The following CCDC102B variants were observed in gnomAD, a reference collection of about 807,000 sequenced individuals.
CCDC102B encodes coiled-coil domain containing 102B.
In CCDC102B, 75 loss-of-function variants were observed where a neutral mutation model predicts 57.4. The ratio of observed to expected loss-of-function variants is 1.31; its 90% confidence interval spans 1.08 to 1.58. CCDC102B has a LOEUF of 1.58. CCDC102B is among the 40% of genes most tolerant of loss of function. The pLI is 0.00. For missense variants in CCDC102B, 636 were observed against 582.6 expected (o/e 1.09, Z -0.94); for synonymous variants, 206 against 201.9 (o/e 1.02, Z -0.17).
rs989365059 is a variant in CCDC102B, at chr18:68,942,026, G to C, written c.1263+44598G>C. Among the ~76,000 whole-genome samples, 4 of 152,040 alleles carry C rather than the reference G, an allele frequency of 2.6e-5. No homozygotes were observed. The East Asian group carries it at 5.8e-4, about 22-fold the overall frequency. On this transcript the variant is annotated intron_variant, in intron 6 of 7. Coordinates refer to ENST00000360242, the MANE Select transcript of CCDC102B (RefSeq NM_024781.3). Reference sequence around the variant, plus strand: ...GTGCTCGTCAACTCGTACTGAAAAAGCTCATTTAGTATTTGTTAAAATAAC... The same window carrying C: ...GTGCTCGTCAACTCGTACTGAAAAACCTCATTTAGTATTTGTTAAAATAAC...
rs962133048 is a variant in CCDC102B at position 69,031,731 on chromosome 18, C to T, written c.1434+20627C>T. 3.3e-5 allele frequency among the ~76,000 whole-genome samples: 5 copies of T among 152,038 alleles called. No individual in the cohort carries two copies. The East Asian group carries it at 9.6e-4, about 29-fold the overall frequency. ...CTCCCCTTTGTGGAAGAAGATTTCT[C>T]TAGCTCACTAGTAGATTATCACCTG... On this transcript the variant is annotated intron_variant, in intron 7 of 7. Transcript: ENST00000360242.
In CCDC102B at chr18:68,846,232, T is replaced by C. The variant is rs2037849789; in HGVS notation, c.828-81T>C. ...TTACAAATATCAAAAATTAGGAAAA[T>C]GCCTATAAAATTGAATGCATCCTTG... On this transcript the variant is annotated intron_variant, in intron 3 of 7. Coordinates refer to ENST00000360242, the MANE Select transcript of CCDC102B (RefSeq NM_024781.3). The C allele has an allele frequency of 3.9e-6, 3 of 774,460 alleles. No homozygotes were observed. In the African/African-American group the frequency reaches 5.5e-5, roughly 14 times the overall value. 48.0% of individuals were successfully genotyped at this position (774,460 alleles called of 1,614,324 possible).
intron 6 of CCDC102B, among the ~76,000 whole-genome samples, chr18:68,927,016 G>A (rs772564783): frequency 1.2e-4 from 18 of 151,976 alleles, no homozygotes; most frequent in Admixed American, 6.6e-5. Flanking sequence ...AAGCCTATAC[G>A]ATAAATGAGC....
At chr18:68,721,176 A>C (rs1044352613) in intron 2 of CCDC102B, 1 of 152,270 alleles carries the variant, frequency 6.6e-6, no homozygotes, top group African/African-American at 2.4e-5. Flanking sequence ...ATTACTAGGC[A>C]TCTACTTAAA....
intron 1 of CCDC102B, among the ~76,000 whole-genome samples, chr18:68,806,148 AT>A (rs974296868): frequency 6.6e-6 from 1 of 152,146 alleles, no homozygotes; most frequent in Non-Finnish European, 1.5e-5. Context: ...AATTAATATT[AT>A]TTTTAGGTTT....
intron 6 of CCDC102B, among the ~76,000 whole-genome samples, chr18:68,975,931 A>G (rs1056032826): frequency 1.3e-5 from 2 of 151,746 alleles, no homozygotes; most frequent in African/African-American, 4.8e-5. Context: ...ACTCCTGGGG[A>G]TAATTAGCCT....
chr18:69,009,990 G>A (rs1344189656), intron 6 of CCDC102B, among the ~76,000 whole-genome samples: 1 of 124,834 alleles, frequency 8.0e-6, no homozygotes, highest in Non-Finnish European at 1.6e-5. Context: ...GGAGTGCTGT[G>A]GCGCTATCTC....
At chr18:68,996,462 A>G (rs928723091) in intron 6 of CCDC102B, among the ~76,000 whole-genome samples, 2 of 152,100 alleles carry the variant, frequency 1.3e-5, no homozygotes, top group African/African-American at 4.8e-5. Flanking sequence ...GGGGGACTTT[A>G]CCTTGTGATC....
chr18:68,818,189 CTG>C (rs2036561264), intron 1 of CCDC102B, among the ~76,000 whole-genome samples: 1 of 149,880 alleles, frequency 6.7e-6, no homozygotes, highest in Non-Finnish European at 1.5e-5. Context: ...TTGCTGAGAA[CTG>C]TGAATTTCAG....
intron 6 of CCDC102B, among the ~76,000 whole-genome samples, chr18:68,980,243 T>A (rs1052995433): frequency 4.0e-5 from 6 of 150,646 alleles, no homozygotes; most frequent in Non-Finnish European, 1.5e-5. Context: ...TCCTCCAGAA[T>A]CATATTCAAT....
At chr18:68,853,672 TAAAAAAAAAAAAAA>T (rs71175201) in intron 4 of CCDC102B, among the ~76,000 whole-genome samples, 2,133 of 94,694 alleles carry the variant, frequency 0.023, 100 homozygotes, top group Non-Finnish European at 0.028. Flanking sequence ...CCCCAAATTG[TAAAAAAAAAAAAAA>T]AAAAAAAAAA....
chr18:68,764,190 G>A lies in CCDC102B; in HGVS notation c.-67+47596G>A, dbSNP rs571515077. ...CATTTCTTGCTGTCATTTCCTTTCT[G>A]TTATTTCCCTTCCGTATACTTTTTT... On this transcript the variant is annotated intron_variant, in intron 2 of 3. Coordinates refer to the CCDC102B transcript ENST00000578970. Among the ~76,000 whole-genome samples, 116 of 152,140 alleles carry A rather than the reference G, an allele frequency of 7.6e-4. 1 individual carries two copies. The highest frequency in any genetic ancestry group is 2.7e-3 in the African/African-American group (112 of 41,528).
intron 6 of CCDC102B, among the ~76,000 whole-genome samples, chr18:68,972,408 C>T (rs1362586595): frequency 1.3e-5 from 2 of 152,118 alleles, no homozygotes; most frequent in East Asian, 3.9e-4. Flanking sequence ...CCTGTGTCTT[C>T]CTAGGTTTCC....
chr18:68,747,166 TA>T (rs2033652270), intron 2 of CCDC102B, among the ~76,000 whole-genome samples: 9 of 151,248 alleles, frequency 6.0e-5, no homozygotes, highest in Admixed American at 5.2e-4. Context: ...TGTAGAACAC[TA>T]GAACTCATTC....
intron 6 of CCDC102B, among the ~76,000 whole-genome samples, chr18:68,912,071 T>C (rs546432239): frequency 1.3e-5 from 2 of 152,292 alleles, no homozygotes; most frequent in African/African-American, 4.8e-5. Context: ...CATTTCTTAT[T>C]TTTCATGCTC....
chr18:69,054,481 G>T lies in CCDC102B; in HGVS notation c.*344G>T. ...AAGTTGAAAACCATACAAGACGCTG[G>T]GTCATTAATAAGAAAACCATTGACT... On this transcript the variant is annotated 3_prime_UTR_variant, in exon 8 of 8. Transcript: ENST00000360242. 9.9e-7 allele frequency: 1 copy of T among 1,006,626 alleles called. No individual in the cohort carries two copies. The highest frequency in any genetic ancestry group is 1.2e-6 in the Non-Finnish European group (1 of 844,336). The allele number at this position is 1,006,626 out of a possible 1,614,324, so 62.4% of individuals were successfully genotyped here.
intron 1 of CCDC102B, among the ~76,000 whole-genome samples, chr18:68,799,950 A>G (rs963101534): frequency 3.9e-5 from 6 of 152,122 alleles, no homozygotes; most frequent in African/African-American, 1.4e-4. Flanking sequence ...GACAATTGCA[A>G]GTTTCTGAAA....
chr18:68,760,935 A>T (rs1013356192), intron 2 of CCDC102B, among the ~76,000 whole-genome samples: 4 of 152,046 alleles, frequency 2.6e-5, no homozygotes, highest in Admixed American at 6.6e-5. Context: ...GTTTATTAAG[A>T]TACAATGTGC....
intron 6 of CCDC102B, among the ~76,000 whole-genome samples, chr18:68,995,060 A>G (rs754654549): frequency 6.6e-6 from 1 of 152,174 alleles, no homozygotes; most frequent in Non-Finnish European, 1.5e-5. Context: ...TCAGACGGAG[A>G]TGAGGAACTT....
Sources: gnomAD v4.1 joint callset for allele counts (sites outside exome capture counted in the v4.1 genomes callset) on GRCh38, gnomAD v4.1.1 for gene constraint, MANE v1.5 for transcripts, NCBI Gene and HGNC (gene_info 2026-07-23, HGNC 2026-07-21) for gene names.